The following ITSN1 variants were observed in gnomAD, a reference collection of about 807,000 sequenced individuals.
The protein encoded by ITSN1 is intersectin-1.
In ITSN1, 58 loss-of-function variants were observed where a neutral mutation model predicts 239.8. That is an observed-to-expected ratio of 0.24 (90% CI 0.20 to 0.30). ITSN1 has a LOEUF of 0.30. Among genes scored for constraint, ITSN1 ranks in the 10% least tolerant of loss-of-function variants. The pLI, the probability that ITSN1 is intolerant of heterozygous loss-of-function variation, is 1.00. For missense variants in ITSN1, 1,558 were observed against 2,103.3 expected (o/e 0.74, Z 5.07); for synonymous variants, 780 against 770.8 (o/e 1.01, Z -0.20).
chr21:33,833,293 G>A (rs2074400767), intron 27 of ITSN1, among the ~76,000 whole-genome samples: 1 of 152,068 alleles, frequency 6.6e-6, no homozygotes, highest in East Asian at 1.9e-4. Context: ...AAGGAATGGC[G>A]GTGAAAAATG....
At chr21:33,765,313 CA>C (rs2068640839) in intron 9 of ITSN1, among the ~76,000 whole-genome samples, 1 of 152,106 alleles carries the variant, frequency 6.6e-6, no homozygotes, top group Non-Finnish European at 1.5e-5. Flanking sequence ...CTGGGCAACA[CA>C]GTGAGACCCC....
intron 2 of ITSN1, among the ~76,000 whole-genome samples, chr21:33,719,072 T>A (rs2065330879): frequency 6.6e-6 from 1 of 152,216 alleles, no homozygotes; most frequent in Non-Finnish European, 1.5e-5. Flanking sequence ...TCTATAAATA[T>A]TTTAGTATGT....
rs112222871 is a variant in ITSN1, at chr21:33,794,870, C to T, written c.1952+402C>T. ...CTTCTCCAGCAGGGTCAGGGTGGGC[C>T]TCTTCTGTTTTTCAACTGCAAATTA... On this transcript the variant is annotated intron_variant, in intron 17 of 39. Transcript: ENST00000381318. Among the ~76,000 whole-genome samples, 1,136 of 152,270 alleles carry T rather than the reference C, an allele frequency of 7.5e-3. 15 individuals are homozygous for T. Among genetic ancestry groups the T allele is most frequent in the African/African-American group, 0.026 (1,088 of 41,566 alleles).
chr21:33,675,759 A>G (rs2090554111), intron 1 of ITSN1, among the ~76,000 whole-genome samples: 1 of 152,192 alleles, frequency 6.6e-6, no homozygotes, highest in African/African-American at 2.4e-5. Context: ...ACTGATAAGA[A>G]GCTTAACACT....
chr21:33,738,487 C>T (rs781424088), intron 5 of ITSN1, among the ~76,000 whole-genome samples: 39 of 152,028 alleles, frequency 2.6e-4, no homozygotes, highest in Non-Finnish European at 4.1e-4. Flanking sequence ...CTGCAACCTC[C>T]GCCTCTCGAG....
Position 33,856,755 on chromosome 21 carries a change from C to T in ITSN1, c.3681C>T (p.Leu1227=). 6.2e-7 allele frequency: 1 copy of T among 1,614,084 alleles called. No individual in the cohort carries two copies. Among genetic ancestry groups the T allele is most frequent in the Non-Finnish European group, 8.5e-7 (1 of 1,179,978 alleles). ...PSQQWCSDLH[L]LDMLTPTERK... is the part of the protein sequence containing the mutation. The stretch of plus-strand genomic sequence containing the variant: ...TTCCAGGGTGTTCAGACTTACATCT[C>T]TTGGATATGTTGACCCCAACTGAAA... The change falls in exon 30 of 40, where the codon CTC becomes CTT. Residue 1227 remains leucine, a synonymous_variant. Transcript: ENST00000381318.
At chr21:33,653,146 C>T (rs376263527) in intron 1 of ITSN1, among the ~76,000 whole-genome samples, 3 of 152,114 alleles carry the variant, frequency 2.0e-5, no homozygotes, top group African/African-American at 4.8e-5. Context: ...AGGCATGTGC[C>T]ACCATGCCCA....
At chr21:33,728,026 G>A (rs367598921) in intron 4 of ITSN1, among the ~76,000 whole-genome samples, 5 of 150,822 alleles carry the variant, frequency 3.3e-5, no homozygotes, top group South Asian at 4.2e-4. Flanking sequence ...GGGCAGTGGC[G>A]CAATCTGGGC....
Position 33,896,249 on chromosome 21 carries a change from T to G in ITSN1, c.*7949T>G, listed in dbSNP as rs1182788418. 1 of 152,350 alleles carries G rather than the reference T, an allele frequency of 6.6e-6. No individual in the cohort carries two copies. Among genetic ancestry groups the G allele is most frequent in the East Asian group, 1.9e-4 (1 of 5,200 alleles). The allele number at this position is 152,350 out of a possible 1,614,324, so 9.4% of individuals were successfully genotyped here. On this transcript the variant is annotated 3_prime_UTR_variant, in exon 40 of 40. Transcript: ENST00000381318. ...GTGGCAGGAGCTCTGGGCTCCCAGT[T>G]CAGGATGGGCCACAGGGCGTCAAGC...
intron 34 of ITSN1, among the ~76,000 whole-genome samples, chr21:33,878,266 C>T (rs1984335084): frequency 6.6e-6 from 1 of 152,150 alleles, no homozygotes; most frequent in Non-Finnish European, 1.5e-5. Flanking sequence ...CTCCTGAGCT[C>T]AAGCGATCTG....
At chr21:33,855,338 GA>G (rs1979117742) in intron 29 of ITSN1, among the ~76,000 whole-genome samples, 1 of 152,232 alleles carries the variant, frequency 6.6e-6, no homozygotes, top group South Asian at 2.1e-4. Flanking sequence ...CCAGCCTGGG[GA>G]CCACGCTTTG....
intron 1 of ITSN1, among the ~76,000 whole-genome samples, chr21:33,655,516 G>C (rs1407478074): frequency 6.6e-6 from 1 of 151,422 alleles, no homozygotes; most frequent in Non-Finnish European, 1.5e-5. Flanking sequence ...TACCTCCTGG[G>C]TTCAAACAAT....
intron 29 of ITSN1, 72 bp downstream of exon 29, chr21:33,836,704 T>G: frequency 8.0e-7 from 1 of 1,249,992 alleles, no homozygotes; most frequent in Non-Finnish European, 1.1e-6. Context: ...ATTGCTCTGA[T>G]TCTGCTGAGC....
chr21:33,700,302 C>T (rs1442722237), intron 1 of ITSN1, among the ~76,000 whole-genome samples: 1 of 152,152 alleles, frequency 6.6e-6, no homozygotes, highest in Non-Finnish European at 1.5e-5. Flanking sequence ...CCAGGCTGGT[C>T]TCGAACTCCT....
Position 33,722,704 on chromosome 21 carries a change from A to G in ITSN1, c.185+53A>G, listed in dbSNP as rs371748151. 4.6e-5 allele frequency: 69 copies of G among 1,493,742 alleles called. No homozygotes were observed. The African/African-American group carries it at 9.2e-4, about 20-fold the overall frequency. 92.5% of individuals were successfully genotyped at this position (1,493,742 alleles called of 1,614,324 possible). On this transcript the variant is annotated intron_variant, in intron 4 of 39. Transcript: ENST00000381318. The stretch of plus-strand genomic sequence containing the variant: ...ACATAAGCATAAGGCAAAATAAAAT[A>G]TCGTTTTGTTCTATTTGGTAATATG...
intron 11 of ITSN1, among the ~76,000 whole-genome samples, chr21:33,771,692 A>G (rs1204115955): frequency 6.6e-6 from 1 of 152,178 alleles, no homozygotes; most frequent in Non-Finnish European, 1.5e-5. Flanking sequence ...CAGCACGGTT[A>G]CAAGGCAAAG....
intron 29 of ITSN1, among the ~76,000 whole-genome samples, chr21:33,839,901 T>C (rs1269988312): frequency 6.6e-6 from 1 of 152,130 alleles, no homozygotes; most frequent in Non-Finnish European, 1.5e-5. Context: ...CTGCTCCTCA[T>C]CCTGCAGTGC....
chr21:33,888,998 T>G lies in ITSN1; in HGVS notation c.*698T>G, dbSNP rs1986165179. ...CTGGTGTATTGTTGCGTGGATTCAG[T>G]TCTGATTCCCAGCATGCTTAGAATA... On this transcript the variant is annotated 3_prime_UTR_variant, in exon 40 of 40. Coordinates refer to ENST00000381318, the MANE Select transcript of ITSN1 (RefSeq NM_003024.3). The G allele has an allele frequency of 6.6e-6, 1 of 152,192 alleles. No individual in the cohort carries two copies. The allele number at this position is 152,192 out of a possible 1,614,324, so 9.4% of individuals were successfully genotyped here. A position where few individuals can be genotyped will look rare whatever the true frequency, so the allele number is the denominator to read the frequency against.
In ITSN1 at chr21:33,888,070, AG is replaced by A. The variant is rs1347474981; in HGVS notation, c.5018-77del. 2.5e-4 allele frequency: 354 copies of A among 1,417,150 alleles called. 2 individuals are homozygous for A. The highest frequency in any genetic ancestry group is 2.0e-5 in the Non-Finnish European group (21 of 1,025,478). 87.8% of individuals were successfully genotyped at this position (1,417,150 alleles called of 1,614,324 possible). A position where few individuals can be genotyped will look rare whatever the true frequency, so the allele number is the denominator to read the frequency against. On this transcript the variant is annotated intron_variant, in intron 39 of 39. Transcript: ENST00000381318. The stretch of plus-strand genomic sequence containing the variant: ...AGAAGGGAGAGCATAACAGTTCATC[AG>A]GGGGTCCCCAATATGCCAGACATGT...
Sources: allele counts gnomAD v4.1 joint callset (sites outside exome capture counted in the v4.1 genomes callset), GRCh38; gene constraint gnomAD v4.1.1; transcripts MANE v1.5; gene names NCBI Gene and HGNC (gene_info 2026-07-23, HGNC 2026-07-21).